Variants in NXPH1 observed in about 807,000 individuals in gnomAD.
NXPH1 encodes the protein neurexophilin-1.
Under a neutral mutation model 23.7 loss-of-function variants are expected in NXPH1, and 5 were observed. That is an observed-to-expected ratio of 0.21 (90% CI 0.11 to 0.44). The LOEUF is 0.44. Ranked by LOEUF, NXPH1 falls within the 20% of genes least tolerant of loss-of-function variation. The pLI is 0.99. For missense variants in NXPH1, 324 were observed against 321.6 expected, an observed-to-expected ratio of 1.01 and a Z score of -0.06; for synonymous variants, 144 against 122.2, an observed-to-expected ratio of 1.18 and a Z score of -1.18.
chr7:8,639,990 T>G (rs1820281815), intron 2 of NXPH1, among the ~76,000 whole-genome samples: 1 of 152,228 alleles, frequency 6.6e-6, no homozygotes, highest in Non-Finnish European at 1.5e-5. Flanking sequence ...TTGGTTGATC[T>G]TATAGTTTGA....
rs1477366721 is a variant in NXPH1, at chr7:8,435,459, A to G, written c.-110-145A>G. On this transcript the variant is annotated intron_variant, in intron 1 of 2. Coordinates refer to ENST00000405863, the MANE Select transcript of NXPH1 (RefSeq NM_152745.3). This position sits in a 1 kb window ranked among gnomAD's most constrained non-coding sequence, Gnocchi z 5.9. ...CGCGCTTGCTGGTCTCAGGCGCTGG[A>G]TTTACTCGCTTTTCAATTTTTCGTA... is the stretch of plus-strand genomic sequence containing the variant. 9.1e-6 allele frequency: 5 copies of G among 552,338 alleles called. No homozygotes were observed. The highest frequency in any genetic ancestry group is 1.6e-5 in the Non-Finnish European group (5 of 310,434). The allele number at this position is 552,338 out of a possible 1,614,324, so 34.2% of individuals were successfully genotyped here.
At chr7:8,553,841 G>A (rs1004110898) in intron 2 of NXPH1, among the ~76,000 whole-genome samples, 1 of 151,616 alleles carries the variant, frequency 6.6e-6, no homozygotes, top group African/African-American at 2.4e-5. Flanking sequence ...GTTTCCCCAA[G>A]TTGAGATCTA....
chr7:8,581,867 G>C (rs116162678), intron 2 of NXPH1, among the ~76,000 whole-genome samples: 1 of 152,102 alleles, frequency 6.6e-6, no homozygotes, highest in East Asian at 1.9e-4. Flanking sequence ...GGCTCCTTGG[G>C]GTGTTGCTTT....
In NXPH1 at chr7:8,435,738, C is replaced by T; in HGVS notation, c.25C>T (p.Leu9Phe). 4 of 1,613,884 alleles carry T rather than the reference C, an allele frequency of 2.5e-6. No homozygotes were observed. In the Middle Eastern group the frequency reaches 4.9e-4, roughly 200 times the overall value. Reference protein sequence around the residue: MQAACWYVLFLLQPTVYLV... With the variant: MQAACWYVFFLLQPTVYLV... ...AATGCAGGCTGCGTGCTGGTACGTG[C>T]TTTTCCTCCTGCAGCCCACCGTCTA... The change falls in exon 2 of 3, where the codon CTT (leucine) becomes TTT (phenylalanine). Residue 9 changes from leucine to phenylalanine, a missense_variant. Leu to Phe is a conservative substitution (Grantham distance 22, BLOSUM62 0). Coordinates refer to ENST00000405863, the MANE Select transcript of NXPH1 (RefSeq NM_152745.3). The surrounding 1 kb of genome is among the most constrained non-coding windows in gnomAD (Gnocchi z 5.9).
intron 2 of NXPH1, among the ~76,000 whole-genome samples, chr7:8,678,397 AC>A (rs1820987717): frequency 6.6e-6 from 1 of 152,086 alleles, no homozygotes; most frequent in African/African-American, 2.4e-5. Context: ...TCTCTTATGT[AC>A]CCTTTCCCCT....
intron 2 of NXPH1, among the ~76,000 whole-genome samples, chr7:8,444,520 C>T (rs1816363251): frequency 6.6e-6 from 1 of 152,196 alleles, no homozygotes; most frequent in Admixed American, 6.5e-5. Flanking sequence ...CTTCCGCAGT[C>T]CACCCTCCCT....
chr7:8,503,194 T>G (rs1018922877), intron 2 of NXPH1, among the ~76,000 whole-genome samples: 4 of 152,032 alleles, frequency 2.6e-5, no homozygotes, highest in African/African-American at 9.7e-5. Context: ...CTGGAACACT[T>G]TTTAACAGTT....
intron 2 of NXPH1, among the ~76,000 whole-genome samples, chr7:8,519,259 C>CA (rs1267425016): frequency 6.6e-6 from 1 of 152,092 alleles, no homozygotes; most frequent in Non-Finnish European, 1.5e-5. Flanking sequence ...TACATTTACT[C>CA]AAAAAACACC....
chr7:8,698,049 T>C (rs926012339), intron 2 of NXPH1, among the ~76,000 whole-genome samples: 5 of 152,178 alleles, frequency 3.3e-5, no homozygotes, highest in African/African-American at 1.2e-4. Flanking sequence ...CTTTGGTTGT[T>C]ATATGAAGAA....
chr7:8,561,499 C>G lies in NXPH1; in HGVS notation c.54+125732C>G, dbSNP rs551299013. ...GTAGTACATTTTATTTTCAACTCAA[C>G]TGCCACCTGAGAGACGCCCTGAGAC... On this transcript the variant is annotated intron_variant, in intron 2 of 2. Coordinates refer to ENST00000405863, the MANE Select transcript of NXPH1 (RefSeq NM_152745.3). Among the ~76,000 whole-genome samples the G allele has an allele frequency of 4.0e-5, 6 of 151,608 alleles. No homozygotes were observed. The South Asian group carries it at 1.2e-3, about 31-fold the overall frequency.
intron 2 of NXPH1, among the ~76,000 whole-genome samples, chr7:8,501,856 T>C (rs2128612616): frequency 6.6e-6 from 1 of 152,200 alleles, no homozygotes; most frequent in African/African-American, 2.4e-5. Flanking sequence ...CGTGGGTACA[T>C]CAATGAAGAC....
chr7:8,618,818 TTA>T (rs1167432131), intron 2 of NXPH1, among the ~76,000 whole-genome samples: 3 of 152,190 alleles, frequency 2.0e-5, no homozygotes, highest in Non-Finnish European at 4.4e-5. Flanking sequence ...CTTTTTTATT[TTA>T]TTTGTTTGAA....
chr7:8,535,796 T>A (rs1818017317), intron 2 of NXPH1, among the ~76,000 whole-genome samples: 1 of 152,092 alleles, frequency 6.6e-6, no homozygotes, highest in East Asian at 1.9e-4. Flanking sequence ...ATTTACAATT[T>A]TGAAAAAGCT....
chr7:8,583,821 G>T (rs1203427935), intron 2 of NXPH1, among the ~76,000 whole-genome samples: 4 of 152,204 alleles, frequency 2.6e-5, no homozygotes, highest in African/African-American at 9.6e-5. Flanking sequence ...CCTCTGAGAG[G>T]TGGAGGAGAG....
chr7:8,513,671 A>C (rs563597101), intron 2 of NXPH1, among the ~76,000 whole-genome samples: 2 of 152,242 alleles, frequency 1.3e-5, no homozygotes, highest in East Asian at 3.9e-4. Context: ...AGATGTGATT[A>C]GAGATAGGAT....
At chr7:8,644,885 C>T (rs865859300) in intron 2 of NXPH1, among the ~76,000 whole-genome samples, 33 of 152,192 alleles carry the variant, frequency 2.2e-4, no homozygotes, top group Middle Eastern at 3.4e-3. Context: ...GTTTATCTCC[C>T]CAAACAGTAT....
In NXPH1 at chr7:8,578,391, G is replaced by C. The variant is rs114579198; in HGVS notation, c.54+142624G>C. Among the ~76,000 whole-genome samples, 130 of 152,248 alleles carry C rather than the reference G, an allele frequency of 8.5e-4. 1 individual carries two copies. The highest frequency in any genetic ancestry group is 3.0e-3 in the African/African-American group (125 of 41,540). On this transcript the variant is annotated intron_variant, in intron 2 of 2. Transcript: ENST00000405863. Reference sequence around the variant, plus strand: ...AGGGACTGTCTATATTCACATCTCAGCCATGTCCCAAACAATAATAAAGTT... The same window carrying C: ...AGGGACTGTCTATATTCACATCTCACCCATGTCCCAAACAATAATAAAGTT...
chr7:8,524,376 A>G (rs763788650), intron 2 of NXPH1, among the ~76,000 whole-genome samples: 12 of 151,816 alleles, frequency 7.9e-5, no homozygotes, highest in Non-Finnish European at 1.8e-4. Flanking sequence ...TTGAGATGCT[A>G]TGCTCTTAAA....
chr7:8,574,012 T>G (rs1048954473), intron 2 of NXPH1, among the ~76,000 whole-genome samples: 1 of 152,114 alleles, frequency 6.6e-6, no homozygotes, highest in African/African-American at 2.4e-5. Context: ...CATAAAGATT[T>G]ATTGAGGATT....
Sources: allele counts gnomAD v4.1 joint callset (sites outside exome capture counted in the v4.1 genomes callset), GRCh38; gene constraint gnomAD v4.1.1; non-coding constraint Gnocchi (gnomAD v3.1); transcripts MANE v1.5; gene names NCBI Gene and HGNC (gene_info 2026-07-23, HGNC 2026-07-21).